Variants in DNAAF4 observed in about 807,000 individuals in gnomAD.
DNAAF4 encodes dynein assembly factor 4, axonemal.
In DNAAF4, 43 loss-of-function variants were observed where a neutral mutation model predicts 51.8. The ratio of observed to expected loss-of-function variants is 0.83; its 90% CI spans 0.65 to 1.07. The LOEUF (loss-of-function observed/expected upper bound fraction) is 1.07. Ranked by LOEUF, DNAAF4 falls within the 50% of genes least tolerant of loss-of-function variation. The pLI, the probability that DNAAF4 is intolerant of heterozygous loss-of-function variation, is 0.00. For missense variants in DNAAF4, 581 were observed against 493.0 expected (o/e 1.18, Z -1.69); for synonymous variants, 194 against 165.6 (o/e 1.17, Z -1.32).
intron 6 of DNAAF4, among the ~76,000 whole-genome samples, chr15:55,449,373 C>T (rs2057895645): frequency 2.0e-5 from 3 of 151,402 alleles, no homozygotes; most frequent in Admixed American, 2.0e-4. Flanking sequence ...TAAAAAAATG[C>T]AGTTCTTGGC....
At chr15:55,452,519 A>G (rs762404192) in intron 5 of DNAAF4, among the ~76,000 whole-genome samples, 5 of 152,118 alleles carry the variant, frequency 3.3e-5, no homozygotes, top group Non-Finnish European at 7.4e-5. Context: ...CCAAACTCAT[A>G]TATCTAATTT....
intron 7 of DNAAF4, among the ~76,000 whole-genome samples, chr15:55,422,997 A>AAAATAAATAAAT (rs372582536): frequency 9.3e-5 from 14 of 151,232 alleles, no homozygotes; most frequent in African/African-American, 9.7e-5. Context: ...CTCCGTCTCA[A>AAAATAAATAAAT]AAATAAATAA....
chr15:55,448,762 C>T (rs111622806), intron 6 of DNAAF4, among the ~76,000 whole-genome samples: 7 of 150,980 alleles, frequency 4.6e-5, no homozygotes, highest in Admixed American at 2.0e-4. Flanking sequence ...CCCAGCTACT[C>T]GGGAGGCTGA....
intron 5 of DNAAF4, among the ~76,000 whole-genome samples, chr15:55,460,341 G>A (rs1003509839): frequency 4.6e-5 from 7 of 151,806 alleles, no homozygotes; most frequent in East Asian, 2.0e-4. Context: ...CAGCACGCCC[G>A]GCTAATTTTT....
chr15:55,483,707 A>AT, intron 4 of DNAAF4, among the ~76,000 whole-genome samples: 1 of 150,684 alleles, frequency 6.6e-6, no homozygotes, highest in South Asian at 2.1e-4. Context: ...CACACGGCTA[A>AT]TTTTTTGTAT....
chr15:55,426,800 T>C (rs1410286935), downstream of DNAAF4, among the ~76,000 whole-genome samples: 1 of 152,204 alleles, frequency 6.6e-6, no homozygotes, highest in Non-Finnish European at 1.5e-5. Flanking sequence ...CCCTTTTAGC[T>C]GGCAGGATAG....
chr15:55,417,796 C>T (rs1031850153), exon 8 of DNAAF4: 17 of 217,556 alleles, frequency 7.8e-5, no homozygotes, highest in Admixed American at 5.7e-4. Context: ...TGGGTGGAGG[C>T]GGGCTGAGTC....
At chr15:55,471,568 C>T (rs1428423997) in intron 4 of DNAAF4, among the ~76,000 whole-genome samples, 1 of 151,130 alleles carries the variant, frequency 6.6e-6, no homozygotes, top group African/African-American at 2.4e-5. Context: ...GGCTGGAGTG[C>T]AGCGGCACGA....
At chr15:55,463,639 A>AACAAGG (rs1431791256) in intron 5 of DNAAF4, among the ~76,000 whole-genome samples, 1 of 152,162 alleles carries the variant, frequency 6.6e-6, no homozygotes, top group African/African-American at 2.4e-5. Flanking sequence ...ACTATACACC[A>AACAAGG]ACAAGGACCA....
intron 8 of DNAAF4, among the ~76,000 whole-genome samples, chr15:55,433,897 A>T (rs1417149027): frequency 5.6e-5 from 2 of 35,516 alleles, no homozygotes; most frequent in Admixed American, 4.3e-4. Flanking sequence ...TATATATATT[A>T]TATATATTAT....
intron 1 of DNAAF4, among the ~76,000 whole-genome samples, chr15:55,503,386 A>C (rs542003757): frequency 6.6e-6 from 1 of 152,210 alleles, no homozygotes; most frequent in African/African-American, 2.4e-5. Context: ...AACTATTCCA[A>C]TCAATCGGAA....
chr15:55,438,189 G>T (rs571060405), intron 7 of DNAAF4, among the ~76,000 whole-genome samples: 1 of 151,912 alleles, frequency 6.6e-6, no homozygotes, highest in South Asian at 2.1e-4. Flanking sequence ...TGGCCAACAT[G>T]GTGAAACAAA....
At chr15:55,452,458 A>G (rs1476715856) in intron 5 of DNAAF4, among the ~76,000 whole-genome samples, 1 of 152,022 alleles carries the variant, frequency 6.6e-6, no homozygotes, top group African/African-American at 2.4e-5. Flanking sequence ...ATGTGTTTAT[A>G]AAAAATATTA....
At chr15:55,442,858 A>G in intron 6 of DNAAF4, 2 of 1,612,702 alleles carry the variant, frequency 1.2e-6, no homozygotes, top group South Asian at 2.2e-5. Flanking sequence ...CATTGCACAC[A>G]TACCAACAGT....
chr15:55,477,033 G>A (rs1038080753), intron 4 of DNAAF4, among the ~76,000 whole-genome samples: 7 of 151,958 alleles, frequency 4.6e-5, no homozygotes, highest in Non-Finnish European at 7.4e-5. Context: ...TTAGCCGGGC[G>A]TGGTGGCATA....
chr15:55,466,536 T>C (rs946923120), intron 5 of DNAAF4, among the ~76,000 whole-genome samples: 3 of 152,192 alleles, frequency 2.0e-5, no homozygotes, highest in African/African-American at 7.2e-5. Flanking sequence ...TTTTCCTAAG[T>C]GATGTGAGGA....
intron 8 of DNAAF4, among the ~76,000 whole-genome samples, chr15:55,434,065 T>C (rs1231935481): frequency 1.2e-5 from 1 of 80,936 alleles, no homozygotes; most frequent in Non-Finnish European, 2.5e-5. Flanking sequence ...AAATAATTAT[T>C]ATCAGGTTTT....
intron 4 of DNAAF4, among the ~76,000 whole-genome samples, chr15:55,478,709 A>G (rs1421428019): frequency 6.6e-6 from 1 of 152,212 alleles, no homozygotes; most frequent in Middle Eastern, 3.2e-3. Flanking sequence ...TGACTTCAAA[A>G]TTACGGAAAT....
downstream of DNAAF4, among the ~76,000 whole-genome samples, chr15:55,427,669 C>T (rs1437587224): frequency 1.3e-5 from 2 of 150,090 alleles, no homozygotes; most frequent in Non-Finnish European, 3.0e-5. Flanking sequence ...GAGTTTCGCT[C>T]TTCTTGTCCA....
Sources: gnomAD v4.1 joint callset for allele counts (sites outside exome capture counted in the v4.1 genomes callset) on GRCh38, gnomAD v4.1.1 for gene constraint, MANE v1.5 for transcripts, NCBI Gene and HGNC (gene_info 2026-07-23, HGNC 2026-07-21) for gene names.